NFASC: variants seen among roughly 807,000 people sequenced by gnomAD.
NFASC encodes neurofascin.
Under a neutral mutation model 147.5 loss-of-function variants are expected in NFASC, and 43 were observed. The ratio of observed to expected loss-of-function variants is 0.29; its 90% confidence interval spans 0.23 to 0.38. The LOEUF is 0.38. NFASC is among the 10% of genes least tolerant of loss of function. The probability of loss-of-function intolerance (pLI) is 1.00; values close to 1 mark genes in which losing one functional copy is unlikely to be tolerated. For synonymous variants in NFASC, 622 were observed against 665.5 expected (o/e 0.93, Z 1.01); for missense variants, 1,320 against 1,689.0 (o/e 0.78, Z 3.83).
chr1:204,848,139 A>G (rs1201024164), intron 1 of NFASC, among the ~76,000 whole-genome samples: 2 of 152,336 alleles, frequency 1.3e-5, no homozygotes, highest in East Asian at 1.9e-4. Context: ...CCTCTCATCC[A>G]TTCTCTGTCC....
chr1:204,931,711 G>A (rs2092379236), intron 2 of NFASC, among the ~76,000 whole-genome samples: 1 of 151,970 alleles, frequency 6.6e-6, no homozygotes, highest in Non-Finnish European at 1.5e-5. Context: ...TCTGTTCCAT[G>A]CTTGTGATCT....
At chr1:204,836,457 A>C (rs1411517864) in intron 1 of NFASC, among the ~76,000 whole-genome samples, 3 of 152,184 alleles carry the variant, frequency 2.0e-5, no homozygotes, top group Non-Finnish European at 4.4e-5. Flanking sequence ...AATTCTTGGA[A>C]CATCTTGACT....
chr1:204,834,617 C>T (rs1157282366), intron 1 of NFASC, among the ~76,000 whole-genome samples: 1 of 152,156 alleles, frequency 6.6e-6, no homozygotes, highest in Non-Finnish European at 1.5e-5. Context: ...TGATGCTAAT[C>T]ATGTTGTTAT....
intron 23 of NFASC, chr1:204,990,691 AG>A (rs376685865): frequency 6.5e-6 from 1 of 152,800 alleles, no homozygotes; most frequent in African/African-American, 2.4e-5. Flanking sequence ...GAGGGGCTCC[AG>A]GCTCCATCCT....
chr1:204,881,626 T>C (rs1330440985), intron 1 of NFASC, among the ~76,000 whole-genome samples: 1 of 152,118 alleles, frequency 6.6e-6, no homozygotes, highest in African/African-American at 2.4e-5. Context: ...AGCTTCAGTC[T>C]GATGGGGGGA....
intron 2 of NFASC, among the ~76,000 whole-genome samples, chr1:204,935,635 C>T (rs1286491737): frequency 1.3e-5 from 2 of 152,102 alleles, no homozygotes; most frequent in Non-Finnish European, 2.9e-5. Context: ...GGCTGGCCAG[C>T]GTCTGATCTG....
At chr1:204,833,259 C>T (rs1672753093) in intron 1 of NFASC, among the ~76,000 whole-genome samples, 1 of 151,998 alleles carries the variant, frequency 6.6e-6, no homozygotes, top group Non-Finnish European at 1.5e-5. Flanking sequence ...CATTTCATTT[C>T]ATCCTCAAAG....
At chr1:204,934,474 C>G (rs546097703) in intron 2 of NFASC, among the ~76,000 whole-genome samples, 5 of 152,164 alleles carry the variant, frequency 3.3e-5, no homozygotes, top group Non-Finnish European at 7.3e-5. Context: ...ATTAAAAACC[C>G]ACAATAAGAC....
At chr1:204,991,339 G>T in intron 24 of NFASC, 33 bp downstream of exon 24, 1 of 1,608,764 alleles carries the variant, frequency 6.2e-7, no homozygotes, top group Non-Finnish European at 8.5e-7. Flanking sequence ...AATGGGCATG[G>T]CATGGGGCAG....
intron 27 of NFASC, among the ~76,000 whole-genome samples, chr1:205,004,886 G>A (rs2096072332): frequency 1.3e-5 from 2 of 152,252 alleles, no homozygotes; most frequent in African/African-American, 2.4e-5. Context: ...CCAATGGGAA[G>A]TTAATCACCT....
At chr1:205,009,501 C>G (rs1014890191) in intron 27 of NFASC, 56 bp from the exon 28 acceptor site, 49 of 1,589,532 alleles carry the variant, frequency 3.1e-5, no homozygotes, top group Non-Finnish European at 4.0e-5. Context: ...CATCTCCCTC[C>G]TCACCATCTC....
chr1:204,856,544 A>AT (rs1464509754), intron 1 of NFASC, among the ~76,000 whole-genome samples: 2 of 152,082 alleles, frequency 1.3e-5, no homozygotes, highest in Non-Finnish European at 2.9e-5. Flanking sequence ...AAAATTAATA[A>AT]TTTTCAAGTG....
intron 28 of NFASC, among the ~76,000 whole-genome samples, chr1:205,012,244 AGG>A (rs1335919444): frequency 1.3e-5 from 2 of 152,178 alleles, no homozygotes; most frequent in Non-Finnish European, 2.9e-5. Context: ...AGTGGAGGAA[AGG>A]GGGCACGCCA....
intron 1 of NFASC, among the ~76,000 whole-genome samples, chr1:204,847,310 C>T (rs2075265500): frequency 6.6e-6 from 1 of 152,228 alleles, no homozygotes; most frequent in Admixed American, 6.5e-5. Context: ...GATACTATCT[C>T]ACTCCACATT....
chr1:204,972,088 G>A lies in NFASC; in HGVS notation c.1136-1188G>A, dbSNP rs114879659. On this transcript the variant is annotated intron_variant, in intron 11 of 29. Coordinates refer to ENST00000339876, the MANE Select transcript of NFASC (RefSeq NM_001005388.3). ...GTCCCTTTTCACTGAGTGGGGACCC[G>A]GGCGTGGATGATAAGGGTGCTAACT... Among the ~76,000 whole-genome samples the A allele has an allele frequency of 4.3e-3, 660 of 152,288 alleles. 5 individuals carry two copies. Among genetic ancestry groups the A allele is most frequent in the African/African-American group, 0.015 (633 of 41,550 alleles).
intron 1 of NFASC, among the ~76,000 whole-genome samples, chr1:204,843,110 A>G (rs1010426835): frequency 6.6e-6 from 1 of 152,136 alleles, no homozygotes; most frequent in Non-Finnish European, 1.5e-5. Context: ...TTTATATGGC[A>G]CCATAAAAAG....
rs542400810 is a variant in NFASC, at chr1:204,848,489, G to T, written c.-200+19707G>T. On this transcript the variant is annotated intron_variant, in intron 1 of 29. Transcript: ENST00000339876. ...GAACCTCCTGCCTTGGCTTCCCAAAGTGTTGTGATTACAGGCATAAGCCAC... is the reference window on the plus strand; with the variant it reads ...GAACCTCCTGCCTTGGCTTCCCAAATTGTTGTGATTACAGGCATAAGCCAC... Among the ~76,000 whole-genome samples the T allele has an allele frequency of 7.2e-5, 11 of 152,298 alleles. No individual in the cohort carries two copies. The South Asian group carries it at 1.7e-3, about 23-fold the overall frequency.
At chr1:204,948,785 C>A (rs1221654720) in intron 3 of NFASC, 2 of 506,788 alleles carry the variant, frequency 3.9e-6, no homozygotes, top group South Asian at 2.9e-5. Context: ...CTTGAATAGG[C>A]AAAGGAGGTC....
At chr1:204,833,638 A>G (rs1672874447) in intron 1 of NFASC, among the ~76,000 whole-genome samples, 1 of 152,244 alleles carries the variant, frequency 6.6e-6, no homozygotes, top group Non-Finnish European at 1.5e-5. Context: ...TAAGACTGAG[A>G]CAGGTAAAAC....
Sources: allele counts gnomAD v4.1 joint callset (sites outside exome capture counted in the v4.1 genomes callset), GRCh38; gene constraint gnomAD v4.1.1; transcripts MANE v1.5; gene names NCBI Gene and HGNC (gene_info 2026-07-23, HGNC 2026-07-21).